Variants in OTOGL observed in about 807,000 individuals in gnomAD.
OTOGL encodes otogelin-like protein.
OTOGL carries 285 observed loss-of-function variants against 318.5 expected under a neutral mutation model. That is an observed-to-expected ratio of 0.89 (90% CI 0.81 to 0.99). The LOEUF is 0.99. Ranked by LOEUF, OTOGL falls within the 50% of genes least tolerant of loss-of-function variation. OTOGL has a pLI of 0.00. For missense variants in OTOGL, 2,899 were observed against 2,845.6 expected, an observed-to-expected ratio of 1.02 and a Z score of -0.43; for synonymous variants, 987 against 936.5, an observed-to-expected ratio of 1.05 and a Z score of -0.99.
At chr12:80,297,055 G>T in intron 27 of OTOGL, 94 bp downstream of exon 27, 3 of 1,168,462 alleles carry the variant, frequency 2.6e-6, no homozygotes, top group Non-Finnish European at 2.3e-6. Context: ...CTCTGTAAAT[G>T]GTCATGAGAT....
chr12:80,193,380 G>A (rs1350131673), intron 1 of OTOGL, among the ~76,000 whole-genome samples: 2 of 152,076 alleles, frequency 1.3e-5, no homozygotes, highest in Non-Finnish European at 2.9e-5. Flanking sequence ...GCTGGGCATG[G>A]TGGTGCATGC....
chr12:80,346,641 GC>G lies in OTOGL; in HGVS notation c.5265+4481del, dbSNP rs376844374. 2.2e-3 allele frequency among the ~76,000 whole-genome samples: 330 copies of G among 151,960 alleles called. 1 individual carries two copies. The highest frequency in any genetic ancestry group is 7.6e-3 in the African/African-American group (317 of 41,442). On this transcript the variant is annotated intron_variant, in intron 44 of 58. Coordinates refer to ENST00000547103, the MANE Select transcript of OTOGL (RefSeq NM_001378609.3). Reference sequence around the variant, plus strand: ...ATTTAAAAATTGCCTCTTTTTTTCTGCCTATCTTTTTCACTCCTTCTGCCCA... The same window carrying G: ...ATTTAAAAATTGCCTCTTTTTTTCTGCTATCTTTTTCACTCCTTCTGCCCA...
Position 80,238,956 on chromosome 12 carries a change from C to T in OTOGL, c.923C>T (p.Ser308Phe), listed in dbSNP as rs1329603992. The T allele has an allele frequency of 3.1e-6, 5 of 1,597,454 alleles. No individual in the cohort carries two copies. The East Asian group carries it at 8.9e-5, about 29-fold the overall frequency. ...LTPSDFPNPCSSGMPAFEAIF... is the reference protein window; with the variant it reads ...LTPSDFPNPCFSGMPAFEAIF... ...CCCTCAGATTTTCCAAATCCGTGCT[C>T]CAGTGGAATGCCAGCATTTGAGGTA... is the stretch of plus-strand genomic sequence containing the variant. Residue 308 changes from serine to phenylalanine, a missense_variant, in exon 10 of 59, where the codon TCC becomes TTC. Transcript: ENST00000547103.
intron 52 of OTOGL, among the ~76,000 whole-genome samples, chr12:80,365,496 G>A (rs549374220): frequency 4.6e-5 from 7 of 152,178 alleles, no homozygotes; most frequent in African/African-American, 1.7e-4. Context: ...TAACATTATG[G>A]CTTTAACTAT....
intron 11 of OTOGL, among the ~76,000 whole-genome samples, chr12:80,250,468 G>C (rs577412856): frequency 6.6e-6 from 1 of 152,152 alleles, no homozygotes; most frequent in African/African-American, 2.4e-5. Flanking sequence ...TAAAACCACC[G>C]TTAATGTAGG....
chr12:80,194,142 A>G (rs1490979531), intron 1 of OTOGL, among the ~76,000 whole-genome samples: 1 of 152,228 alleles, frequency 6.6e-6, no homozygotes, highest in Non-Finnish European at 1.5e-5. Context: ...TGTATAGCCA[A>G]ACGTTAGGCA....
At chr12:80,300,910 T>G (rs1379826264) in intron 27 of OTOGL, among the ~76,000 whole-genome samples, 5 of 152,136 alleles carry the variant, frequency 3.3e-5, no homozygotes, top group Non-Finnish European at 5.9e-5. Flanking sequence ...TGGAAGGATA[T>G]GAGATCAGAG....
chr12:80,161,631 T>A (rs1341612682), intron 1 of OTOGL, among the ~76,000 whole-genome samples: 1 of 152,046 alleles, frequency 6.6e-6, no homozygotes, highest in African/African-American at 2.4e-5. Flanking sequence ...GGGAAGGGTA[T>A]CTTAGATAAC....
intron 52 of OTOGL, among the ~76,000 whole-genome samples, chr12:80,362,174 G>A (rs1890271714): frequency 6.6e-6 from 1 of 152,094 alleles, no homozygotes; most frequent in African/African-American, 2.4e-5. Flanking sequence ...GTGAGATAAT[G>A]GTCTAATATA....
At chr12:80,189,358 C>G (rs1875518901) in intron 1 of OTOGL, 1 of 842,112 alleles carries the variant, frequency 1.2e-6, no homozygotes. Context: ...GGATATCAAG[C>G]ATGCCTCTGA....
intron 18 of OTOGL, among the ~76,000 whole-genome samples, chr12:80,260,896 C>T (rs1188093100): frequency 6.6e-6 from 1 of 152,066 alleles, no homozygotes; most frequent in Non-Finnish European, 1.5e-5. Context: ...AATGAAGTAG[C>T]ACAAACCATG....
chr12:80,253,704 T>C (rs1881777477), intron 14 of OTOGL, 130 bp downstream of exon 14: 1 of 672,276 alleles, frequency 1.5e-6, no homozygotes, highest in Non-Finnish European at 2.5e-6. Context: ...ACTTGCATTT[T>C]ATTTAAACTC....
intron 11 of OTOGL, among the ~76,000 whole-genome samples, chr12:80,240,321 C>T (rs894119421): frequency 3.3e-5 from 5 of 152,024 alleles, no homozygotes; most frequent in Non-Finnish European, 5.9e-5. Context: ...TACTGTGGCT[C>T]TTAAGCATTT....
chr12:80,300,494 C>T (rs1472191885), intron 27 of OTOGL, among the ~76,000 whole-genome samples: 1 of 152,110 alleles, frequency 6.6e-6, no homozygotes, highest in Non-Finnish European at 1.5e-5. Context: ...ACACATGATT[C>T]TTTGTCTCAT....
In OTOGL at chr12:80,358,232, T is replaced by C. The variant is rs1420930164; in HGVS notation, c.6020-16T>C. On this transcript the variant is annotated splice_polypyrimidine_tract_variant and intron_variant, in intron 49 of 58. Coordinates refer to ENST00000547103, the MANE Select transcript of OTOGL (RefSeq NM_001378609.3). ...TTTAGCTCAGCTGTGATTTTTGGCT[T>C]CTTGTTTTACCTTAGTTTGTGAATC... is the stretch of plus-strand genomic sequence containing the variant. 1.3e-6 allele frequency: 2 copies of C among 1,580,054 alleles called. No homozygotes were observed. Among genetic ancestry groups the C allele is most frequent in the East Asian group, 2.2e-5 (1 of 44,580 alleles).
At chr12:80,330,630 ATC>A (rs1253738662) in intron 37 of OTOGL, among the ~76,000 whole-genome samples, 1 of 152,228 alleles carries the variant, frequency 6.6e-6, no homozygotes, top group African/African-American at 2.4e-5. Context: ...AACAACCATA[ATC>A]TCTTTGCAGA....
chr12:80,248,789 C>T (rs1007228451), intron 11 of OTOGL, among the ~76,000 whole-genome samples: 11 of 151,008 alleles, frequency 7.3e-5, no homozygotes, highest in African/African-American at 2.2e-4. Flanking sequence ...CTCCCCATCA[C>T]TTTCAGGTAC....
At chr12:80,257,003 G>A (rs1882110021) in intron 17 of OTOGL, among the ~76,000 whole-genome samples, 1 of 152,058 alleles carries the variant, frequency 6.6e-6, no homozygotes, top group Non-Finnish European at 1.5e-5. Context: ...AAAGGAGAAT[G>A]TCTGGATGTA....
chr12:80,345,274 C>G (rs1330800853), intron 44 of OTOGL, among the ~76,000 whole-genome samples: 2 of 144,164 alleles, frequency 1.4e-5, no homozygotes, highest in East Asian at 2.0e-4. Context: ...CATCCAGGCA[C>G]TGATGTCATC....
Sources: allele counts gnomAD v4.1 joint callset (sites outside exome capture counted in the v4.1 genomes callset), GRCh38; gene constraint gnomAD v4.1.1; transcripts MANE v1.5; gene names NCBI Gene and HGNC (gene_info 2026-07-23, HGNC 2026-07-21).